The following RALYL variants were observed in gnomAD, a reference collection of about 807,000 sequenced individuals.
The protein encoded by RALYL is RNA-binding Raly-like protein.
A neutral mutation model predicts 35.1 loss-of-function variants in RALYL; 29 were observed. That is an observed-to-expected ratio of 0.83 (90% CI 0.61 to 1.13). The LOEUF (loss-of-function observed/expected upper bound fraction) is 1.13. RALYL is among the 50% of genes most tolerant of loss of function. The probability of loss-of-function intolerance (pLI) is 0.00; values close to 1 mark genes in which losing one functional copy is unlikely to be tolerated. For synonymous variants in RALYL, 120 were observed against 127.6 expected, an observed-to-expected ratio of 0.94 and a Z score of 0.40; for missense variants, 359 against 360.4, an observed-to-expected ratio of 1.00 and a Z score of 0.03.
At chr8:84,728,107 CTA>C (rs1440584395) in intron 2 of RALYL, among the ~76,000 whole-genome samples, 17 of 151,512 alleles carry the variant, frequency 1.1e-4, no homozygotes, top group African/African-American at 3.9e-4. Context: ...AAAAGTGTTC[CTA>C]TTTCTCCACA....
intron 1 of RALYL, among the ~76,000 whole-genome samples, chr8:84,431,048 T>A (rs2047087004): frequency 6.6e-6 from 1 of 152,158 alleles, no homozygotes; most frequent in African/African-American, 2.4e-5. Flanking sequence ...TCTCATAAAA[T>A]CTCTGGGAGA....
intron 1 of RALYL, among the ~76,000 whole-genome samples, chr8:84,186,006 T>G (rs1812425665): frequency 6.6e-6 from 1 of 152,236 alleles, no homozygotes; most frequent in South Asian, 2.1e-4. Flanking sequence ...TGTATATATT[T>G]TTTATTCACA....
At chr8:84,398,934 AC>A (rs2042607559) in intron 1 of RALYL, among the ~76,000 whole-genome samples, 1 of 149,962 alleles carries the variant, frequency 6.7e-6, no homozygotes, top group South Asian at 2.1e-4. Context: ...AGATCTCACC[AC>A]TGCACTTCAG....
intron 1 of RALYL, among the ~76,000 whole-genome samples, chr8:84,448,822 C>A (rs1013084842): frequency 6.6e-6 from 1 of 151,956 alleles, no homozygotes; most frequent in Non-Finnish European, 1.5e-5. Context: ...ATTAAAAACC[C>A]TGAGTGCCCT....
rs537703731 is a variant in RALYL, at chr8:84,273,571, C to T, written c.-24+89147C>T. 3.3e-5 allele frequency among the ~76,000 whole-genome samples: 5 copies of T among 152,322 alleles called. No individual in the cohort carries two copies. The South Asian group carries it at 1.0e-3, about 32-fold the overall frequency. On this transcript the variant is annotated intron_variant, in intron 1 of 8. Transcript: ENST00000521268. The stretch of plus-strand genomic sequence containing the variant: ...AGGACATGATACAAGGAGGTGGAGT[C>T]ATCATACCATCTCAGCCATCTTCAA...
At chr8:84,528,187 A>G (rs1235104205) in intron 1 of RALYL, among the ~76,000 whole-genome samples, 1 of 152,150 alleles carries the variant, frequency 6.6e-6, no homozygotes, top group Admixed American at 6.6e-5. Context: ...GTCACTGACA[A>G]ACTGTATCAA....
intron 1 of RALYL, among the ~76,000 whole-genome samples, chr8:84,464,903 AT>A (rs2051353276): frequency 7.3e-6 from 1 of 137,600 alleles, no homozygotes; most frequent in Admixed American, 7.4e-5. Flanking sequence ...GATGATGAGC[AT>A]TTTTTCATGT....
chr8:84,736,251 G>T (rs935902214), intron 2 of RALYL, among the ~76,000 whole-genome samples: 1 of 152,088 alleles, frequency 6.6e-6, no homozygotes, highest in Non-Finnish European at 1.5e-5. Flanking sequence ...TATGGATTAA[G>T]CTTCTCTGTA....
intron 2 of RALYL, among the ~76,000 whole-genome samples, chr8:84,758,725 C>A (rs1812010758): frequency 6.6e-6 from 1 of 152,120 alleles, no homozygotes; most frequent in African/African-American, 2.4e-5. Context: ...ATGACCTAAT[C>A]TAGGAAGTGA....
chr8:84,621,375 C>T (rs983875223), intron 2 of RALYL, among the ~76,000 whole-genome samples: 3 of 152,168 alleles, frequency 2.0e-5, no homozygotes, highest in Middle Eastern at 3.2e-3. Context: ...GCCGGCTGTC[C>T]CCCCTTTCTT....
intron 4 of RALYL, among the ~76,000 whole-genome samples, chr8:84,826,053 C>T (rs1421080493): frequency 1.3e-5 from 2 of 150,856 alleles, no homozygotes; most frequent in African/African-American, 4.9e-5. Context: ...AATGCAGGAA[C>T]AAAAAAAATA....
chr8:84,486,746 T>A (rs1587710491), intron 1 of RALYL, among the ~76,000 whole-genome samples: 1 of 152,064 alleles, frequency 6.6e-6, no homozygotes, highest in African/African-American at 2.4e-5. Context: ...ATAAATTTTG[T>A]TTTCTTTTTA....
intron 2 of RALYL, among the ~76,000 whole-genome samples, chr8:84,540,846 C>G (rs960939409): frequency 6.6e-6 from 1 of 151,582 alleles, no homozygotes; most frequent in South Asian, 2.1e-4. Flanking sequence ...TTGAAAAGTA[C>G]TATTGAGATT....
chr8:84,687,866 G>A (rs1837158613), intron 2 of RALYL, among the ~76,000 whole-genome samples: 1 of 151,986 alleles, frequency 6.6e-6, no homozygotes, highest in African/African-American at 2.4e-5. Flanking sequence ...GCTCTGTTAG[G>A]TAAATCCTTT....
At chr8:84,598,876 G>A (rs1815231844) in intron 2 of RALYL, among the ~76,000 whole-genome samples, 1 of 151,842 alleles carries the variant, frequency 6.6e-6, no homozygotes, top group Non-Finnish European at 1.5e-5. Context: ...TCTAGTTTTT[G>A]GAGAAACCTC....
At chr8:84,881,881 T>C (rs1842224581) in intron 7 of RALYL, among the ~76,000 whole-genome samples, 1 of 151,936 alleles carries the variant, frequency 6.6e-6, no homozygotes, top group African/African-American at 2.4e-5. Context: ...CCTTCTTTTT[T>C]TAGAGATATA....
At chr8:84,469,794 C>T (rs1336168993) in intron 1 of RALYL, among the ~76,000 whole-genome samples, 1 of 151,966 alleles carries the variant, frequency 6.6e-6, no homozygotes, top group Non-Finnish European at 1.5e-5. Flanking sequence ...CAGCGAGACT[C>T]CGTGGGCATA....
At chr8:84,763,250 CA>C (rs1813112768) in intron 2 of RALYL, among the ~76,000 whole-genome samples, 2 of 151,946 alleles carry the variant, frequency 1.3e-5, no homozygotes, top group Non-Finnish European at 2.9e-5. Flanking sequence ...AAAGAAATAC[CA>C]AAATCTTGGG....
intron 1 of RALYL, among the ~76,000 whole-genome samples, chr8:84,316,705 G>A (rs1195481928): frequency 6.6e-6 from 1 of 152,070 alleles, no homozygotes; most frequent in African/African-American, 2.4e-5. Flanking sequence ...CACCTTCTTA[G>A]AATTTGAATT....
Sources: allele counts gnomAD v4.1 joint callset (sites outside exome capture counted in the v4.1 genomes callset), GRCh38; gene constraint gnomAD v4.1.1; transcripts MANE v1.5; gene names NCBI Gene and HGNC (gene_info 2026-07-23, HGNC 2026-07-21).